PODXL: variants seen among roughly 807,000 people sequenced by gnomAD.
The protein encoded by PODXL is podocalyxin.
A neutral mutation model predicts 48.9 loss-of-function variants in PODXL; 20 were observed. That is an observed-to-expected ratio of 0.41 (90% CI 0.29 to 0.59). The LOEUF is 0.59. Among genes scored for constraint, PODXL ranks in the 20% least tolerant of loss-of-function variants. The pLI is 0.31. For synonymous variants in PODXL, 295 were observed against 287.4 expected, an observed-to-expected ratio of 1.03 and a Z score of -0.27; for missense variants, 606 against 675.1, an observed-to-expected ratio of 0.90 and a Z score of 1.13.
chr7:131,534,065 A>T (rs1798327334), intron 1 of PODXL, among the ~76,000 whole-genome samples: 1 of 139,310 alleles, frequency 7.2e-6, no homozygotes, highest in Non-Finnish European at 1.6e-5. Context: ...ACCTCCCCTT[A>T]CCCGTTAGAG....
At chr7:131,525,817 A>C (rs1284752798) in intron 1 of PODXL, among the ~76,000 whole-genome samples, 2 of 152,188 alleles carry the variant, frequency 1.3e-5, no homozygotes, top group Non-Finnish European at 2.9e-5. Context: ...AATAAACTAT[A>C]GATAACATAA....
Position 131,504,350 on chromosome 7 carries a change from G to A in PODXL, c.1638C>T (p.Thr546=). Residue 546 remains threonine, a synonymous_variant, in exon 9 of 9, where the codon ACC becomes ACT. Coordinates refer to ENST00000378555, the MANE Select transcript of PODXL (RefSeq NM_001018111.3). ...DSWIVPLDNL[T]KDDLDEEEDT... ...CTTCCTCCTCATCCAGGTCGTCCTT[G>A]GTCAGGTTGTCCAGAGGGACGATCC... 1.2e-6 allele frequency: 2 copies of A among 1,614,164 alleles called. No individual in the cohort carries two copies. Among genetic ancestry groups the A allele is most frequent in the Non-Finnish European group, 1.7e-6 (2 of 1,180,022 alleles).
chr7:131,532,117 A>C (rs1280168069), intron 1 of PODXL, among the ~76,000 whole-genome samples: 2 of 146,852 alleles, frequency 1.4e-5, no homozygotes, highest in African/African-American at 5.0e-5. Flanking sequence ...TAATAATAAT[A>C]ATAATAATCA....
rs1161359445 is a variant in PODXL at position 131,503,397 on chromosome 7, AAAG to A, written c.*911_*913del. ...TAGTCCCTGGTGGAAATGGAAGCCC[AAAG>A]AAGATCGTGGGTGGCCTCTGCAAGG... On this transcript the variant is annotated 3_prime_UTR_variant, in exon 9 of 9. Transcript: ENST00000378555. The A allele has an allele frequency of 6.6e-6, 1 of 152,312 alleles. No homozygotes were observed. Among genetic ancestry groups the A allele is most frequent in the African/African-American group, 2.4e-5 (1 of 41,466 alleles). 9.4% of individuals were successfully genotyped at this position (152,312 alleles called of 1,614,324 possible). A position where few individuals can be genotyped will look rare whatever the true frequency, so the allele number is the denominator to read the frequency against.
intron 1 of PODXL, among the ~76,000 whole-genome samples, chr7:131,514,432 G>A (rs557328517): frequency 1.3e-5 from 2 of 151,940 alleles, no homozygotes; most frequent in East Asian, 1.9e-4. Flanking sequence ...GTGGGGTGGC[G>A]GGGGGAACAG....
chr7:131,520,905 C>T (rs550359817), intron 1 of PODXL, among the ~76,000 whole-genome samples: 3 of 152,334 alleles, frequency 2.0e-5, no homozygotes, highest in African/African-American at 4.8e-5. Flanking sequence ...TGGTGGCTCA[C>T]GCCTTTAATC....
At chr7:131,509,266 A>G (rs1181402604) in intron 4 of PODXL, 99 bp downstream of exon 4, 6 of 1,003,026 alleles carry the variant, frequency 6.0e-6, no homozygotes, top group Non-Finnish European at 7.9e-6. Context: ...AGCCCCAGCC[A>G]GGGGCCCTGC....
chr7:131,528,204 C>T (rs925437049), intron 1 of PODXL, among the ~76,000 whole-genome samples: 2 of 152,128 alleles, frequency 1.3e-5, no homozygotes, highest in African/African-American at 2.4e-5. Flanking sequence ...CTAACACTTC[C>T]GTCTTTGAAA....
chr7:131,520,712 G>A (rs1483915670), intron 1 of PODXL, among the ~76,000 whole-genome samples: 6 of 152,076 alleles, frequency 3.9e-5, no homozygotes, highest in South Asian at 2.1e-4. Flanking sequence ...ATGTACAATC[G>A]TCCATCAACA....
At chr7:131,545,804 T>G (rs995732516) in intron 1 of PODXL, among the ~76,000 whole-genome samples, 4 of 152,260 alleles carry the variant, frequency 2.6e-5, no homozygotes, top group Admixed American at 6.5e-5. Flanking sequence ...TTATTAAATA[T>G]TCATTGAGAG....
In PODXL at chr7:131,511,418, G is replaced by A. The variant is rs757853373; in HGVS notation, c.116C>T (p.Thr39Met). 3.4e-5 allele frequency: 55 copies of A among 1,600,730 alleles called. No individual in the cohort carries two copies. The highest frequency in any genetic ancestry group is 2.3e-4 in the South Asian group (21 of 91,066). Residue 39 changes from threonine to methionine, a missense_variant, in exon 2 of 9, where the codon ACG becomes ATG. Coordinates refer to ENST00000378555, the MANE Select transcript of PODXL (RefSeq NM_001018111.3). The stretch of plus-strand genomic sequence containing the variant: ...CGGTGCTGTTTTGTTAGATGAGTCC[G>A]TAGTAGTCTGGGTTGCTGTTTGTAA... The part of the protein sequence containing the change: ...SPSQNATQTT[T>M]DSSNKTAPTP...
intron 1 of PODXL, among the ~76,000 whole-genome samples, chr7:131,528,970 G>T (rs1159489448): frequency 6.6e-6 from 1 of 152,164 alleles, no homozygotes; most frequent in East Asian, 1.9e-4. Flanking sequence ...AGATAAGTTG[G>T]AAGGTAGAGA....
At position 131,508,947 on chromosome 7, in the gene PODXL, TCAC is replaced by T; in HGVS notation, c.1101+1_1101+3del. On this transcript the variant is annotated splice_donor_variant and splice_donor_region_variant and intron_variant, in intron 5 of 8. Transcript: ENST00000378555. LOFTEE classifies it high-confidence loss of function. ...CTGGCGGCTCAGATCAGCAAGCTAC[TCAC>T]ACAGAGGGTGTTTCCTGTGAGGTTC... The T allele has an allele frequency of 6.2e-7, 1 of 1,608,872 alleles. No homozygotes were observed.
intron 1 of PODXL, chr7:131,520,174 G>A (rs1213189369): frequency 1.9e-5 from 5 of 268,594 alleles, no homozygotes; most frequent in Admixed American, 1.8e-4. Flanking sequence ...AAGAAAGGCC[G>A]TTCTACCATC....
At chr7:131,546,116 G>A (rs1390629561) in intron 1 of PODXL, among the ~76,000 whole-genome samples, 1 of 152,220 alleles carries the variant, frequency 6.6e-6, no homozygotes, top group Non-Finnish European at 1.5e-5. Flanking sequence ...GAAGGAAAAT[G>A]GAGAGCTGGC....
intron 1 of PODXL, among the ~76,000 whole-genome samples, chr7:131,514,400 G>A (rs913301406): frequency 6.6e-6 from 1 of 152,090 alleles, no homozygotes; most frequent in East Asian, 1.9e-4. Context: ...GTGACAGAGT[G>A]AGACACAGTC....
intron 1 of PODXL, among the ~76,000 whole-genome samples, chr7:131,554,170 CAGA>C (rs1222368787): frequency 6.6e-6 from 1 of 152,152 alleles, no homozygotes; most frequent in African/African-American, 2.4e-5. Context: ...ACCACACCTT[CAGA>C]AGGACAGGGA....
chr7:131,552,112 A>C (rs1197647446), intron 1 of PODXL, among the ~76,000 whole-genome samples: 3 of 152,188 alleles, frequency 2.0e-5, no homozygotes, highest in Non-Finnish European at 2.9e-5. Flanking sequence ...CCCAGGATGC[A>C]AACTCCCCTT....
Position 131,503,173 on chromosome 7 carries a change from CTA to C in PODXL, c.*1136_*1137del, listed in dbSNP as rs2116770359. 6.5e-6 allele frequency: 1 copy of C among 152,794 alleles called. No homozygotes were observed. Among genetic ancestry groups the C allele is most frequent in the East Asian group, 1.9e-4 (1 of 5,188 alleles). The allele number at this position is 152,794 out of a possible 1,614,324, so 9.5% of individuals were successfully genotyped here. Reference sequence around the variant, plus strand: ...GCAACTTGAAATGTCCCTGAGTTTCCTATGATATACAGGGGAAAGCCTGTCCT... The same window carrying C: ...GCAACTTGAAATGTCCCTGAGTTTCCTGATATACAGGGGAAAGCCTGTCCT... On this transcript the variant is annotated 3_prime_UTR_variant, in exon 9 of 9. Transcript: ENST00000378555.
Sources: allele counts gnomAD v4.1 joint callset (sites outside exome capture counted in the v4.1 genomes callset), GRCh38; gene constraint gnomAD v4.1.1; transcripts MANE v1.5; gene names NCBI Gene and HGNC (gene_info 2026-07-23, HGNC 2026-07-21).